The following SLC26A6 variants were observed in gnomAD, a reference collection of about 807,000 sequenced individuals.
SLC26A6 encodes solute carrier family 26 member 6, also known as anion exchange transporter.
In SLC26A6, 67 loss-of-function variants were observed where a neutral mutation model predicts 87.1. That is an observed-to-expected ratio of 0.77 (90% confidence interval 0.63 to 0.94). The LOEUF (loss-of-function observed/expected upper bound fraction) is 0.94. Among genes scored for constraint, SLC26A6 ranks in the 40% least tolerant of loss-of-function variants. The pLI is 0.00. For missense variants in SLC26A6, 902 were observed against 973.0 expected (o/e 0.93, Z 0.97); for synonymous variants, 414 against 405.9 (o/e 1.02, Z -0.24).
chr3:48,634,840 C>T (rs2046909202), intron 1 of SLC26A6: 1 of 766,504 alleles, frequency 1.3e-6, no homozygotes, highest in African/African-American at 1.9e-5. Context: ...GTAGAGCCCC[C>T]TCTCCTTTCC....
intron 1 of SLC26A6, among the ~76,000 whole-genome samples, chr3:48,634,553 G>T (rs912185900): frequency 6.6e-6 from 1 of 152,170 alleles, no homozygotes; most frequent in African/African-American, 2.4e-5. Flanking sequence ...CTCTGACCTC[G>T]GGCGAGGCTC....
chr3:48,627,912 C>T (rs2046670396), intron 17 of SLC26A6, 34 bp downstream of exon 17: 2 of 1,565,760 alleles, frequency 1.3e-6, no homozygotes, highest in East Asian at 4.7e-5. Context: ...CTGCAGCTCA[C>T]AGCTGTCACC....
Position 48,628,127 on chromosome 3 carries a change from TG to T in SLC26A6, c.1801-90del. On this transcript the variant is annotated intron_variant, in intron 16 of 20. Coordinates refer to ENST00000395550, the MANE Select transcript of SLC26A6 (RefSeq NM_022911.3). The surrounding 1 kb of genome is among the most constrained non-coding windows in gnomAD (Gnocchi z 4.4). ...TAGGCCTGGTGATGCCCCCTGGTGCTGGGCAGGTGGGTGGGCCAGGACCAGA... is the reference window on the plus strand; with the variant it reads ...TAGGCCTGGTGATGCCCCCTGGTGCTGGCAGGTGGGTGGGCCAGGACCAGA... 1 of 1,271,652 alleles carries T rather than the reference TG, an allele frequency of 7.9e-7. No homozygotes were observed. The highest frequency in any genetic ancestry group is 1.1e-6 in the Non-Finnish European group (1 of 919,066). 78.8% of individuals were successfully genotyped at this position (1,271,652 alleles called of 1,614,324 possible).
intron 1 of SLC26A6, 187 bp from the exon 2 acceptor site, chr3:48,633,822 C>A (rs1190341820): frequency 7.0e-7 from 1 of 1,436,428 alleles, no homozygotes; most frequent in Non-Finnish European, 9.1e-7. Context: ...AGTACCTGAA[C>A]TTTGGCTGGT....
At chr3:48,629,740 A>C in intron 13 of SLC26A6, 29 bp from the exon 14 acceptor site, 2 of 1,611,962 alleles carry the variant, frequency 1.2e-6, no homozygotes, top group African/African-American at 1.3e-5. Flanking sequence ...ATGCACGAAG[A>C]GGGGGCAGAA....
At chr3:48,632,879 C>T (rs2046844939) in intron 4 of SLC26A6, 95 bp downstream of exon 4, 2 of 1,260,404 alleles carry the variant, frequency 1.6e-6, no homozygotes. Flanking sequence ...CTGCCCTCTT[C>T]CCCAGCCGCT....
rs1367084763 is a variant in SLC26A6 at position 48,626,054 on chromosome 3, A to AC, written c.2266-55dup. ...GTCAGTTTCCAAAGGACACAGACCA[A>AC]CCCCCGCCCCTAGAACAGCTTTATC... On this transcript the variant is annotated intron_variant, in intron 20 of 20. Transcript: ENST00000395550. 5.0e-6 allele frequency: 8 copies of AC among 1,612,096 alleles called. No individual in the cohort carries two copies. In the East Asian group the frequency reaches 1.8e-4, roughly 36 times the overall value.
rs758139454 is a variant in SLC26A6 at position 48,635,425 on chromosome 3, T to A, written c.-32A>T. 3.6e-5 allele frequency: 57 copies of A among 1,569,696 alleles called. 1 individual carries two copies. The highest frequency in any genetic ancestry group is 4.6e-5 in the Non-Finnish European group (53 of 1,159,254). ...CAAGTTGTCCGGTGCGGGCTGCTCCTGCTGCTCGAGCTAGAGGCCGCTACG... is the reference window on the plus strand; with the variant it reads ...CAAGTTGTCCGGTGCGGGCTGCTCCAGCTGCTCGAGCTAGAGGCCGCTACG... On this transcript the variant is annotated 5_prime_UTR_variant, in exon 1 of 21. Coordinates refer to ENST00000395550, the MANE Select transcript of SLC26A6 (RefSeq NM_022911.3).
Position 48,626,980 on chromosome 3 carries a change from T to A in SLC26A6, c.1969A>T (p.Thr657Ser). 1 of 1,614,214 alleles carries A rather than the reference T, an allele frequency of 6.2e-7. No individual in the cohort carries two copies. Among genetic ancestry groups the A allele is most frequent in the Non-Finnish European group, 8.5e-7 (1 of 1,180,038 alleles). ...QEDSKAPDGS[T>S]LKALGLPQPD... ...TGAGGCAGGCCCAGGGCCTTCAGTGTGGACCCATCTGGGGCCTTGGAGTCT... is the reference window on the plus strand; with the variant it reads ...TGAGGCAGGCCCAGGGCCTTCAGTGAGGACCCATCTGGGGCCTTGGAGTCT... The change falls in exon 18 of 21, where the codon ACA (threonine) becomes TCA (serine). Residue 657 changes from threonine (T) to serine (S), a missense_variant. Coordinates refer to ENST00000395550, the MANE Select transcript of SLC26A6 (RefSeq NM_022911.3).
rs750055556 is a variant in SLC26A6, at chr3:48,631,937, G to C, written c.693C>G (p.Leu231=). The C allele has an allele frequency of 1.9e-6, 3 of 1,613,534 alleles. No individual in the cohort carries two copies. Among genetic ancestry groups the C allele is most frequent in the South Asian group, 2.2e-5 (2 of 91,082 alleles). Residue 231 remains leucine (L), a synonymous_variant, in exon 6 of 21, where the codon CTC becomes CTG. Transcript: ENST00000395550. ...TCAGATGGAGGCCAAACACATACTT[G>C]AGCTGTGAGACGAAGACCTGCACAG... ...AAAVQVFVSQ[L]KYVFGLHLSS...
chr3:48,627,784 G>A (rs188817565), intron 17 of SLC26A6, 162 bp downstream of exon 17: 26 of 582,792 alleles, frequency 4.5e-5, no homozygotes, highest in African/African-American at 2.1e-4. Flanking sequence ...ATATCACGAC[G>A]CTCCCTGAAG....
At position 48,635,454 on chromosome 3, in the gene SLC26A6, C is replaced by A; in HGVS notation, c.-61G>T. 3.9e-6 allele frequency: 6 copies of A among 1,544,032 alleles called. No individual in the cohort carries two copies. Among genetic ancestry groups the A allele is most frequent in the Non-Finnish European group, 5.2e-6 (6 of 1,145,488 alleles). On this transcript the variant is annotated 5_prime_UTR_variant, in exon 1 of 21. Transcript: ENST00000395550. ...GCTCGAGCTAGAGGCCGCTACGCTC[C>A]GGAAGGCGGCGCCGGGACCGGGTGA...
rs1378089921 is a variant in SLC26A6 at position 48,626,347 on chromosome 3, C to G, written c.2136G>C (p.Val712=). The G allele has an allele frequency of 6.2e-7, 1 of 1,613,982 alleles. No individual in the cohort carries two copies. The highest frequency in any genetic ancestry group is 1.7e-5 in the Admixed American group (1 of 60,018). Residue 712 remains valine (V), a synonymous_variant, in exon 20 of 21, where the codon GTG becomes GTC. Coordinates refer to ENST00000395550, the MANE Select transcript of SLC26A6 (RefSeq NM_022911.3). ...EVYMAACHSP[V]VSQLEAGHFF... ...AGTGCCCAGCCTCAAGCTGGCTGAC[C>G]ACAGGGCCTGTGGGCAAGAAGTAGG...
At chr3:48,632,617 C>G (rs1294129807) in intron 4 of SLC26A6, 7 of 716,134 alleles carry the variant, frequency 9.8e-6, no homozygotes, top group Non-Finnish European at 1.5e-5. Context: ...CTGGCCCTGT[C>G]TCATCTACCC....
In SLC26A6 at chr3:48,633,251, C is replaced by T. The variant is rs980537420; in HGVS notation, c.322G>A (p.Gly108Ser). ...GGCCGACGCACTGAAGGTGGCTCAC[C>T]CTGCGGAAGCTGCATGATGGCCACA... ...LSVAIMQLPQ[G>S]LAYALLAGLP... is the part of the protein sequence containing the mutation. The change falls in exon 3 of 21, where the codon GGC becomes AGC. Residue 108 changes from glycine (G) to serine (S), a missense_variant and splice_region_variant. This residue lies in a region of SLC26A6 where 800 missense variants were observed against 856.8 expected (regional missense o/e 0.93). Coordinates refer to ENST00000395550, the MANE Select transcript of SLC26A6 (RefSeq NM_022911.3). 1 of 1,612,536 alleles carries T rather than the reference C, an allele frequency of 6.2e-7. No individual in the cohort carries two copies. The highest frequency in any genetic ancestry group is 8.5e-7 in the Non-Finnish European group (1 of 1,179,642).
intron 1 of SLC26A6, chr3:48,634,865 AG>A: frequency 5.0e-6 from 3 of 601,906 alleles, no homozygotes; most frequent in Non-Finnish European, 6.3e-6. Context: ...TGAGTCACTC[AG>A]GTCTTCTTAA....
At chr3:48,632,611 C>A (rs1416780178) in intron 4 of SLC26A6, 4 of 728,324 alleles carry the variant, frequency 5.5e-6, no homozygotes, top group Non-Finnish European at 9.7e-6. Flanking sequence ...GAAATGCTGG[C>A]CCTGTCTCAT....
chr3:48,628,030 G>A lies in SLC26A6; in HGVS notation c.1809C>T (p.Ser603=). 1 of 1,577,306 alleles carries A rather than the reference G, an allele frequency of 6.3e-7. No homozygotes were observed. The highest frequency in any genetic ancestry group is 2.0e-5 in the Admixed American group (1 of 49,368). The stretch of plus-strand genomic sequence containing the variant: ...TAATGGAAACTGAGGCGCCCTTGGG[G>A]GAGGCAGCCTACACCAGGGAAGACA... ...KEEKLRKQAA[S]PKGASVSINV... is the part of the protein sequence containing the mutation. Residue 603 remains serine, a synonymous_variant, in exon 17 of 21, where the codon TCC becomes TCT. Transcript: ENST00000395550. This position sits in a 1 kb window ranked among gnomAD's most constrained non-coding sequence, Gnocchi z 4.4.
In SLC26A6 at chr3:48,628,648, A is replaced by C. The variant is rs768963464; in HGVS notation, c.1666T>G (p.Phe556Val). 18 of 1,613,586 alleles carry C rather than the reference A, an allele frequency of 1.1e-5. No homozygotes were observed. In the South Asian group the frequency reaches 1.9e-4, roughly 17 times the overall value. The part of the protein sequence containing the change: ...SATVYFANAE[F>V]YSDALKQRCG... ...CTCTGCTTCAGCGCATCACTGTAGAACTCAGCATTGGCAAAGTACACGGTG... is the reference window on the plus strand; with the variant it reads ...CTCTGCTTCAGCGCATCACTGTAGACCTCAGCATTGGCAAAGTACACGGTG... The change falls in exon 15 of 21, where the codon TTC becomes GTC. Residue 556 changes from phenylalanine to valine, a missense_variant. By Grantham distance (50) the Phe-to-Val change is conservative. Transcript: ENST00000395550. This position sits in a 1 kb window ranked among gnomAD's most constrained non-coding sequence, Gnocchi z 4.4.
Sources: allele counts gnomAD v4.1 joint callset (sites outside exome capture counted in the v4.1 genomes callset), GRCh38; gene constraint gnomAD v4.1.1; regional missense constraint gnomAD v4.1.1; non-coding constraint Gnocchi (gnomAD v3.1); transcripts MANE v1.5; gene names NCBI Gene and HGNC (gene_info 2026-07-23, HGNC 2026-07-21).